The following CACNA2D3 variants were observed in gnomAD, a reference collection of about 807,000 sequenced individuals.
CACNA2D3 encodes the protein voltage-dependent calcium channel subunit alpha-2/delta-3.
A neutral mutation model predicts 160.6 loss-of-function variants in CACNA2D3; 60 were observed. That is an observed-to-expected ratio of 0.37 (90% CI 0.30 to 0.46). The LOEUF (loss-of-function observed/expected upper bound fraction) is 0.46. Among genes scored for constraint, CACNA2D3 ranks in the 20% least tolerant of loss-of-function variants. The probability of loss-of-function intolerance (pLI) is 1.00; values close to 1 mark genes in which losing one functional copy is unlikely to be tolerated. For synonymous variants in CACNA2D3, 558 were observed against 492.9 expected, an observed-to-expected ratio of 1.13 and a Z score of -1.75; for missense variants, 1,205 against 1,365.0, an observed-to-expected ratio of 0.88 and a Z score of 1.85.
intron 14 of CACNA2D3, among the ~76,000 whole-genome samples, chr3:54,820,760 T>G (rs1313204341): frequency 1.3e-5 from 2 of 152,206 alleles, no homozygotes; most frequent in African/African-American, 2.4e-5. Flanking sequence ...TTAAAAATTC[T>G]TCTTTACTTC....
chr3:54,144,645 C>G (rs1448789148), intron 2 of CACNA2D3, among the ~76,000 whole-genome samples: 1 of 152,238 alleles, frequency 6.6e-6, no homozygotes, highest in Non-Finnish European at 1.5e-5. Flanking sequence ...TGGGGCCAGG[C>G]ATACCTGGGT....
intron 27 of CACNA2D3, among the ~76,000 whole-genome samples, chr3:54,952,812 A>G (rs989411296): frequency 1.3e-5 from 2 of 152,112 alleles, no homozygotes; most frequent in South Asian, 4.2e-4. Context: ...GACAATATCT[A>G]TCTATGAGGA....
chr3:54,669,522 A>G (rs1382785640), intron 11 of CACNA2D3, among the ~76,000 whole-genome samples: 3 of 152,226 alleles, frequency 2.0e-5, no homozygotes, highest in Non-Finnish European at 4.4e-5. Flanking sequence ...TGATCTAAGA[A>G]AAAGAATTGG....
At chr3:55,068,393 A>C (rs1311832255) in intron 35 of CACNA2D3, among the ~76,000 whole-genome samples, 1 of 152,172 alleles carries the variant, frequency 6.6e-6, no homozygotes, top group East Asian at 1.9e-4. Flanking sequence ...ATAGGAAGAC[A>C]CTTCATATGT....
chr3:54,664,453 C>A (rs1700028289), intron 11 of CACNA2D3, among the ~76,000 whole-genome samples: 1 of 152,228 alleles, frequency 6.6e-6, no homozygotes. Context: ...AGCTACACAG[C>A]AGCTGGATTG....
intron 4 of CACNA2D3, among the ~76,000 whole-genome samples, chr3:54,409,610 C>T (rs923254317): frequency 6.6e-6 from 1 of 152,186 alleles, no homozygotes; most frequent in Non-Finnish European, 1.5e-5. Flanking sequence ...CCTCTTGCAC[C>T]AAGCAGTTAG....
chr3:54,388,412 A>G (rs1699225574), intron 4 of CACNA2D3, among the ~76,000 whole-genome samples: 1 of 152,192 alleles, frequency 6.6e-6, no homozygotes. Flanking sequence ...AGGTTGAAGA[A>G]TGGTTCTGGA....
At chr3:54,694,917 C>T (rs1337250771) in intron 11 of CACNA2D3, among the ~76,000 whole-genome samples, 1 of 152,178 alleles carries the variant, frequency 6.6e-6, no homozygotes, top group East Asian at 1.9e-4. Context: ...TAATTTCTAG[C>T]CTTTTTTCTA....
intron 2 of CACNA2D3, among the ~76,000 whole-genome samples, chr3:54,182,991 A>G (rs1489059224): frequency 6.6e-6 from 1 of 152,194 alleles, no homozygotes; most frequent in East Asian, 1.9e-4. Context: ...ACTTGTCCCC[A>G]TGTAAAAGAT....
chr3:54,673,796 C>T (rs199900847), intron 11 of CACNA2D3, among the ~76,000 whole-genome samples: 8 of 152,192 alleles, frequency 5.3e-5, no homozygotes, highest in East Asian at 3.8e-4. Flanking sequence ...AAGCTTCTTT[C>T]TCAATATTTG....
chr3:54,306,779 A>G (rs1377606273), intron 2 of CACNA2D3, among the ~76,000 whole-genome samples: 1 of 152,176 alleles, frequency 6.6e-6, no homozygotes, highest in East Asian at 1.9e-4. Flanking sequence ...CCAGCACATC[A>G]GTGGTTTCTG....
chr3:54,675,970 C>T (rs557151793), intron 11 of CACNA2D3, among the ~76,000 whole-genome samples: 1 of 152,280 alleles, frequency 6.6e-6, no homozygotes, highest in East Asian at 1.9e-4. Flanking sequence ...GTTTTGTCTT[C>T]CCTAAAATCC....
chr3:54,210,239 A>C (rs921407301), intron 2 of CACNA2D3, among the ~76,000 whole-genome samples: 1 of 152,162 alleles, frequency 6.6e-6, no homozygotes, highest in African/African-American at 2.4e-5. Context: ...GTGACTTTCT[A>C]TCATGTCAAA....
In CACNA2D3 at chr3:54,735,990, T is replaced by C. The variant is rs573926938; in HGVS notation, c.1168-16609T>C. 1.4e-3 allele frequency among the ~76,000 whole-genome samples: 123 copies of C among 91,074 alleles called. 1 individual carries two copies. The highest frequency in any genetic ancestry group is 3.4e-3 in the South Asian group (12 of 3,562). The allele number at this position is 91,074 out of a possible 152,430, so 59.7% of individuals were successfully genotyped here. A position where few individuals can be genotyped will look rare whatever the true frequency, so the allele number is the denominator to read the frequency against. ...TTATTTTTCCATGCATGTATATATA[T>C]ATACATATATATATATGTATATATA... On this transcript the variant is annotated intron_variant, in intron 11 of 37. Coordinates refer to ENST00000474759, the MANE Select transcript of CACNA2D3 (RefSeq NM_018398.3).
intron 5 of CACNA2D3, among the ~76,000 whole-genome samples, chr3:54,562,370 G>A (rs1337409332): frequency 6.6e-6 from 1 of 152,154 alleles, no homozygotes; most frequent in Non-Finnish European, 1.5e-5. Context: ...GAATAGGGCT[G>A]TGTTGGTGGC....
At chr3:54,307,956 T>C (rs1335261961) in intron 2 of CACNA2D3, among the ~76,000 whole-genome samples, 1 of 152,228 alleles carries the variant, frequency 6.6e-6, no homozygotes, top group East Asian at 1.9e-4. Flanking sequence ...CTAAGAATTG[T>C]TTATAATGTA....
At chr3:54,868,160 T>C (rs765402461) in intron 17 of CACNA2D3, among the ~76,000 whole-genome samples, 12 of 152,236 alleles carry the variant, frequency 7.9e-5, no homozygotes, top group Non-Finnish European at 8.8e-5. Context: ...TGGCCTGTTA[T>C]ATCTATGCAA....
intron 2 of CACNA2D3, among the ~76,000 whole-genome samples, chr3:54,156,982 G>A (rs1182743009): frequency 2.0e-5 from 3 of 152,164 alleles, no homozygotes; most frequent in Non-Finnish European, 4.4e-5. Flanking sequence ...AACTGTATTA[G>A]TCTGCTAGAA....
At chr3:54,587,963 AC>A (rs1702793116) in intron 9 of CACNA2D3, among the ~76,000 whole-genome samples, 1 of 152,294 alleles carries the variant, frequency 6.6e-6, no homozygotes, top group Admixed American at 6.5e-5. Context: ...TAAGGAAATC[AC>A]CCCAGCTCAT....
Sources: gnomAD v4.1 joint callset for allele counts (sites outside exome capture counted in the v4.1 genomes callset) on GRCh38, gnomAD v4.1.1 for gene constraint, MANE v1.5 for transcripts, NCBI Gene and HGNC (gene_info 2026-07-23, HGNC 2026-07-21) for gene names.